Variants in IGFL2 observed in about 807,000 individuals in gnomAD.
IGFL2 encodes IGF like family member 2.
In IGFL2, 7 loss-of-function variants were observed where a neutral mutation model predicts 13.9. The ratio of observed to expected loss-of-function variants is 0.51; its 90% CI spans 0.29 to 0.95. IGFL2 has a LOEUF of 0.95. Ranked by LOEUF, IGFL2 falls within the 40% of genes least tolerant of loss-of-function variation. The pLI is 0.08. For missense variants in IGFL2, 138 were observed against 147.8 expected, an observed-to-expected ratio of 0.93 and a Z score of 0.34; for synonymous variants, 55 against 55.8, an observed-to-expected ratio of 0.99 and a Z score of 0.07.
chr19:46,136,656 TA>T, the IGFL2 span: 88 of 424,626 alleles, frequency 2.1e-4, no homozygotes, highest in African/African-American at 1.3e-3. Flanking sequence ...CAGATATTAA[TA>T]AAAAAATATA....
At chr19:46,079,493 A>G in the IGFL2 span, among the ~76,000 whole-genome samples, 2 of 152,220 alleles carry the variant, frequency 1.3e-5, no homozygotes, top group African/African-American at 2.4e-5. Context: ...TTGCACCCCT[A>G]TAGCCCGAAT....
At chr19:46,167,369 C>T in the IGFL2 span, among the ~76,000 whole-genome samples, 1 of 152,194 alleles carries the variant, frequency 6.6e-6, no homozygotes, top group Non-Finnish European at 1.5e-5. Context: ...CTGGGCAGAT[C>T]AGCCAGGGTC....
chr19:46,186,708 G>A, the IGFL2 span, among the ~76,000 whole-genome samples: 1 of 152,330 alleles, frequency 6.6e-6, no homozygotes, highest in African/African-American at 2.4e-5. Context: ...GCATAGATTT[G>A]ATGGCTGCAG....
chr19:46,100,958 ACAGT>A, the IGFL2 span, among the ~76,000 whole-genome samples: 2,023 of 152,080 alleles, frequency 0.013, 31 homozygotes, highest in Middle Eastern at 0.027. Context: ...TTTTTCTTTA[ACAGT>A]CAGGCCCCTC....
the IGFL2 span, among the ~76,000 whole-genome samples, chr19:46,179,049 G>A: frequency 6.6e-6 from 1 of 152,072 alleles, no homozygotes. Flanking sequence ...GAGAGACGAG[G>A]ATAGGTGAGG....
At chr19:46,176,935 GAGA>G in the IGFL2 span, among the ~76,000 whole-genome samples, 1 of 152,196 alleles carries the variant, frequency 6.6e-6, no homozygotes, top group Non-Finnish European at 1.5e-5. Flanking sequence ...GCCCAGTTGG[GAGA>G]AGAAAAGGGG....
chr19:46,124,164 C>T, the IGFL2 span: 3 of 1,609,928 alleles, frequency 1.9e-6, no homozygotes, highest in African/African-American at 2.7e-5. Flanking sequence ...CGTCTGGGGG[C>T]AGACATTGAT....
At chr19:46,079,400 C>G in the IGFL2 span, among the ~76,000 whole-genome samples, 3 of 152,212 alleles carry the variant, frequency 2.0e-5, no homozygotes, top group Non-Finnish European at 4.4e-5. Context: ...TGGAGCTCAG[C>G]GAGTCGTGCG....
the IGFL2 span, among the ~76,000 whole-genome samples, chr19:46,188,681 C>A: frequency 2.3e-3 from 356 of 152,294 alleles, 1 homozygote; most frequent in Non-Finnish European, 3.3e-3. Flanking sequence ...GGACCCATAC[C>A]CAGCTGGCCC....
chr19:46,079,406 G>T, the IGFL2 span, among the ~76,000 whole-genome samples: 4 of 152,214 alleles, frequency 2.6e-5, no homozygotes. Context: ...TCAGCGAGTC[G>T]TGCGTACCAT....
the IGFL2 span, chr19:46,212,840 G>A: frequency 6.6e-6 from 1 of 152,174 alleles, no homozygotes; most frequent in Admixed American, 6.5e-5. Context: ...GGGCTTCCAA[G>A]TGGACCTCTC....
At chr19:46,101,553 A>G in the IGFL2 span, among the ~76,000 whole-genome samples, 1 of 152,214 alleles carries the variant, frequency 6.6e-6, no homozygotes, top group African/African-American at 2.4e-5. Context: ...TGGGTCCAAG[A>G]CATCCAATCT....
the IGFL2 span, among the ~76,000 whole-genome samples, chr19:46,088,972 A>G: frequency 2.6e-5 from 4 of 152,000 alleles, no homozygotes; most frequent in Non-Finnish European, 4.4e-5. Context: ...GCTAATGTAG[A>G]CTCTGGTAGA....
the IGFL2 span, chr19:46,137,571 T>C: frequency 9.7e-7 from 1 of 1,028,380 alleles, no homozygotes; most frequent in Non-Finnish European, 1.5e-6. Context: ...TCCGTCTCAC[T>C]GCCAGATGCT....
chr19:46,208,009 C>T, the IGFL2 span: 1 of 152,228 alleles, frequency 6.6e-6, no homozygotes, highest in Admixed American at 6.5e-5. Flanking sequence ...GCATCTTGGG[C>T]TGCACTCTGA....
the IGFL2 span, among the ~76,000 whole-genome samples, chr19:46,173,231 T>G: frequency 6.6e-6 from 1 of 152,224 alleles, no homozygotes; most frequent in South Asian, 2.1e-4. Context: ...CCACTGTTCC[T>G]TCTGAAGTGG....
At chr19:46,088,180 T>C in the IGFL2 span, among the ~76,000 whole-genome samples, 1 of 152,212 alleles carries the variant, frequency 6.6e-6, no homozygotes, top group African/African-American at 2.4e-5. Flanking sequence ...AATTCTAATG[T>C]CCTCTTTCAG....
At chr19:46,181,634 A>G in the IGFL2 span, among the ~76,000 whole-genome samples, 2 of 152,222 alleles carry the variant, frequency 1.3e-5, no homozygotes, top group African/African-American at 4.8e-5. Flanking sequence ...CTGCGTAAAG[A>G]CAGCTTTAGA....
chr19:46,124,601 G>A, the IGFL2 span: 10 of 1,594,030 alleles, frequency 6.3e-6, no homozygotes, highest in Admixed American at 1.7e-5. Context: ...ATGAGATGAT[G>A]TTTGGATTTG....
Sources: gnomAD v4.1 joint callset for allele counts (sites outside exome capture counted in the v4.1 genomes callset) on GRCh38, gnomAD v4.1.1 for gene constraint, MANE v1.5 for transcripts, NCBI Gene and HGNC (gene_info 2026-07-23, HGNC 2026-07-21) for gene names.